Variants in ANKRD44 observed in about 807,000 individuals in gnomAD.
ANKRD44 encodes serine/threonine-protein phosphatase 6 regulatory ankyrin repeat subunit B.
ANKRD44 carries 35 observed loss-of-function variants against 116.0 expected under a neutral mutation model. That is an observed-to-expected ratio of 0.30 (90% CI 0.23 to 0.40). The LOEUF (loss-of-function observed/expected upper bound fraction) is 0.40. ANKRD44 is among the 10% of genes least tolerant of loss of function. The probability of loss-of-function intolerance (pLI) is 1.00; values close to 1 mark genes in which losing one functional copy is unlikely to be tolerated. For missense variants in ANKRD44, 1,014 were observed against 1,242.6 expected, an observed-to-expected ratio of 0.82 and a Z score of 2.77; for synonymous variants, 435 against 461.8, an observed-to-expected ratio of 0.94 and a Z score of 0.74.
At chr2:197,221,449 T>A (rs1031117032) in intron 1 of ANKRD44, among the ~76,000 whole-genome samples, 1 of 152,128 alleles carries the variant, frequency 6.6e-6, no homozygotes, top group African/African-American at 2.4e-5. Flanking sequence ...AGCTAATTTT[T>A]TATTTTTTTG....
At chr2:197,099,980 A>T in intron 9 of ANKRD44, 50 bp from the exon 10 acceptor site, 1 of 1,540,028 alleles carries the variant, frequency 6.5e-7, no homozygotes, top group South Asian at 1.1e-5. Context: ...AGGTTGATTC[A>T]GGTCCTATGT....
At chr2:197,118,615 AAGAG>A (rs57255941) in intron 8 of ANKRD44, among the ~76,000 whole-genome samples, 9 of 76,398 alleles carry the variant, frequency 1.2e-4, no homozygotes, top group African/African-American at 3.6e-4. Context: ...GAGAGAAAGA[AAGAG>A]AGAGAGAGAG....
At chr2:197,067,191 C>T (rs1043907347) in intron 16 of ANKRD44, among the ~76,000 whole-genome samples, 5 of 151,996 alleles carry the variant, frequency 3.3e-5, no homozygotes, top group Non-Finnish European at 5.9e-5. Context: ...GGAAAGGATT[C>T]CCTATTTAAT....
At chr2:197,162,008 C>T (rs150618253) in intron 2 of ANKRD44, among the ~76,000 whole-genome samples, 1 of 152,274 alleles carries the variant, frequency 6.6e-6, no homozygotes, top group East Asian at 1.9e-4. Flanking sequence ...AGGGTCTGCT[C>T]CTCTATCACC....
At chr2:197,146,759 T>G (rs893353190) in intron 3 of ANKRD44, among the ~76,000 whole-genome samples, 1 of 152,238 alleles carries the variant, frequency 6.6e-6, no homozygotes, top group South Asian at 2.1e-4. Flanking sequence ...TATATCCAAA[T>G]GTACTGAATT....
intron 1 of ANKRD44, among the ~76,000 whole-genome samples, chr2:197,295,229 C>T (rs991700195): frequency 2.0e-5 from 3 of 152,156 alleles, no homozygotes; most frequent in Admixed American, 2.0e-4. Flanking sequence ...GAGTGTAGCA[C>T]TCGATTTCTG....
At chr2:197,122,938 C>T in intron 6 of ANKRD44, 146 bp from the exon 7 acceptor site, 1 of 910,742 alleles carries the variant, frequency 1.1e-6, no homozygotes, top group Non-Finnish European at 1.6e-6. Context: ...GGCAACTATT[C>T]AACAAATATT....
intron 16 of ANKRD44, among the ~76,000 whole-genome samples, chr2:197,040,463 G>A (rs2076890827): frequency 7.4e-6 from 1 of 135,598 alleles, no homozygotes; most frequent in Admixed American, 8.5e-5. Flanking sequence ...TGCAACTTCC[G>A]CTTCCCGGGC....
chr2:197,277,452 G>A (rs2083124622), intron 1 of ANKRD44, among the ~76,000 whole-genome samples: 1 of 152,106 alleles, frequency 6.6e-6, no homozygotes, highest in Admixed American at 6.5e-5. Context: ...ATTCCAGTGA[G>A]GATCTGGAAG....
At chr2:197,292,015 T>C (rs2083584270) in intron 1 of ANKRD44, among the ~76,000 whole-genome samples, 1 of 152,240 alleles carries the variant, frequency 6.6e-6, no homozygotes, top group African/African-American at 2.4e-5. Flanking sequence ...ATCCCTTTTT[T>C]ATGGCTGCAT....
intron 12 of ANKRD44, among the ~76,000 whole-genome samples, chr2:197,087,252 C>T (rs922938018): frequency 5.3e-5 from 8 of 152,194 alleles, no homozygotes; most frequent in African/African-American, 1.9e-4. Context: ...ATTTCCCTGT[C>T]TTTGTAATTT....
At position 197,103,432 on chromosome 2, in the gene ANKRD44, A is replaced by C. The variant is rs1257249460; in HGVS notation, c.986-3502T>G. On this transcript the variant is annotated intron_variant, in intron 9 of 27. Coordinates refer to ENST00000282272, the MANE Select transcript of ANKRD44 (RefSeq NM_001195144.2). ...GGTGTGTTTGTTGACTGACTAAATAAATGTTCCCTGAATGCCTAAAAGACT... is the reference window on the plus strand; with the variant it reads ...GGTGTGTTTGTTGACTGACTAAATACATGTTCCCTGAATGCCTAAAAGACT... Among the ~76,000 whole-genome samples the C allele has an allele frequency of 2.0e-5, 3 of 152,116 alleles. No homozygotes were observed. In the East Asian group the frequency reaches 5.8e-4, roughly 29 times the overall value.
At chr2:197,267,393 G>A (rs571162055) in intron 1 of ANKRD44, among the ~76,000 whole-genome samples, 3 of 152,206 alleles carry the variant, frequency 2.0e-5, no homozygotes, top group Admixed American at 6.5e-5. Flanking sequence ...ATTGGCTGTT[G>A]CTAATTTATT....
intron 10 of ANKRD44, among the ~76,000 whole-genome samples, chr2:197,096,608 T>A (rs1489677428): frequency 6.6e-6 from 1 of 152,174 alleles, no homozygotes; most frequent in Middle Eastern, 3.2e-3. Context: ...CGTAAGAAAG[T>A]AATAATGATA....
chr2:197,047,023 A>AC lies in ANKRD44; in HGVS notation c.1651-21757dup, dbSNP rs796391706. On this transcript the variant is annotated intron_variant, in intron 16 of 27. Transcript: ENST00000282272. ...ATTTGGTAAATAAGGTAACAGAATT[A>AC]CTTTTTTTTTTTGAGATGGAGTTTT... Among the ~76,000 whole-genome samples the AC allele has an allele frequency of 1.4e-4, 12 of 83,320 alleles. No homozygotes were observed. In the South Asian group the frequency reaches 5.4e-3, roughly 38 times the overall value. The allele number at this position is 83,320 out of a possible 152,430, so 54.7% of individuals were successfully genotyped here. A position where few individuals can be genotyped will look rare whatever the true frequency, so the allele number is the denominator to read the frequency against.
chr2:197,065,563 A>T (rs2125071789), intron 16 of ANKRD44, among the ~76,000 whole-genome samples: 1 of 152,304 alleles, frequency 6.6e-6, no homozygotes, highest in Non-Finnish European at 1.5e-5. Context: ...CAAGACTAAT[A>T]AAGAAGAAAA....
At chr2:197,159,570 CCAAAGA>C (rs2079906557) in intron 2 of ANKRD44, among the ~76,000 whole-genome samples, 1 of 152,188 alleles carries the variant, frequency 6.6e-6, no homozygotes, top group African/African-American at 2.4e-5. Context: ...TATTTCCTGT[CCAAAGA>C]CTTCAATACC....
rs116855130 is a variant in ANKRD44 at position 196,969,514 on chromosome 2, G to A, written c.2369-2068C>T. Among the ~76,000 whole-genome samples the A allele has an allele frequency of 1.8e-3, 278 of 152,304 alleles. 3 individuals are homozygous for A. In the East Asian group the frequency reaches 0.037, roughly 20 times the overall value. ...TTGGTATGTGGCAGGAAGGAGGTAGGGGATGAGGAGCATTGGCACAGAACA... is the reference window on the plus strand; with the variant it reads ...TTGGTATGTGGCAGGAAGGAGGTAGAGGATGAGGAGCATTGGCACAGAACA... On this transcript the variant is annotated intron_variant, in intron 21 of 21. Transcript: ENST00000424317.
intron 16 of ANKRD44, among the ~76,000 whole-genome samples, chr2:197,047,490 TGAA>T (rs556373541): frequency 4.9e-4 from 75 of 152,348 alleles, no homozygotes; most frequent in African/African-American, 1.8e-3. Flanking sequence ...TATAAATTAA[TGAA>T]GAAAGAATTT....
Sources: allele counts gnomAD v4.1 joint callset (sites outside exome capture counted in the v4.1 genomes callset), GRCh38; gene constraint gnomAD v4.1.1; transcripts MANE v1.5; gene names NCBI Gene and HGNC (gene_info 2026-07-23, HGNC 2026-07-21).